The following ZPBP variants were observed in gnomAD, a reference collection of about 807,000 sequenced individuals.
The protein encoded by ZPBP is zona pellucida binding protein.
A neutral mutation model predicts 44.8 loss-of-function variants in ZPBP; 26 were observed. The observed-to-expected ratio is 0.58, with a 90% CI of 0.43 to 0.81. ZPBP has a LOEUF of 0.81. Among genes scored for constraint, ZPBP ranks in the 30% least tolerant of loss-of-function variants. The pLI, the probability that ZPBP is intolerant of heterozygous loss-of-function variation, is 0.00. For synonymous variants in ZPBP, 174 were observed against 153.2 expected (o/e 1.14, Z -1.00); for missense variants, 409 against 434.0 (o/e 0.94, Z 0.51).
intron 4 of ZPBP, among the ~76,000 whole-genome samples, chr7:50,045,075 A>G (rs2128820357): frequency 6.6e-6 from 1 of 152,368 alleles, no homozygotes; most frequent in South Asian, 2.1e-4. Flanking sequence ...TATATGCAGA[A>G]AAGGTCTTTG....
At chr7:49,877,654 C>A (rs1472098585) in intron 2 of ZPBP, among the ~76,000 whole-genome samples, 1 of 149,028 alleles carries the variant, frequency 6.7e-6, no homozygotes, top group East Asian at 2.0e-4. Context: ...TGATGATTTA[C>A]CTGTTGTGGT....
chr7:49,939,690 A>T (rs553975340), intron 7 of ZPBP, among the ~76,000 whole-genome samples: 26 of 152,298 alleles, frequency 1.7e-4, no homozygotes, highest in Non-Finnish European at 2.9e-4. Flanking sequence ...AATTAATTTT[A>T]AAAATCATAA....
chr7:49,860,254 A>G (rs1326730354), intron 2 of ZPBP, among the ~76,000 whole-genome samples: 1 of 152,160 alleles, frequency 6.6e-6, no homozygotes. Context: ...GTATCTCCTC[A>G]TTCCTGTCTA....
intron 5 of ZPBP, among the ~76,000 whole-genome samples, chr7:50,019,607 G>GGAT (rs1798992929): frequency 6.6e-6 from 1 of 152,036 alleles, no homozygotes; most frequent in Non-Finnish European, 1.5e-5. Flanking sequence ...TCATAAAATT[G>GGAT]ATCATAAAAG....
At chr7:49,968,637 T>A (rs1796159473) in intron 7 of ZPBP, among the ~76,000 whole-genome samples, 1 of 152,096 alleles carries the variant, frequency 6.6e-6, no homozygotes, top group African/African-American at 2.4e-5. Context: ...CTAAAGCTAG[T>A]ATAATATGCC....
At chr7:49,907,523 C>G (rs1168452054) in intron 1 of ZPBP, among the ~76,000 whole-genome samples, 1 of 152,088 alleles carries the variant, frequency 6.6e-6, no homozygotes, top group Non-Finnish European at 1.5e-5. Context: ...AAGAGTCAAA[C>G]TCTGTAAAAT....
intron 6 of ZPBP, among the ~76,000 whole-genome samples, chr7:50,014,311 T>C (rs751312303): frequency 6.6e-6 from 1 of 151,768 alleles, no homozygotes; most frequent in Admixed American, 6.6e-5. Context: ...AGAACAACCT[T>C]GACAAAAAAT....
intron 7 of ZPBP, among the ~76,000 whole-genome samples, chr7:49,979,953 T>G (rs1213353586): frequency 8.9e-6 from 1 of 112,392 alleles, no homozygotes; most frequent in Non-Finnish European, 1.7e-5. Flanking sequence ...AAATATATAT[T>G]AATATATTTA....
intron 1 of ZPBP, among the ~76,000 whole-genome samples, chr7:49,909,685 G>A (rs1793299152): frequency 1.3e-5 from 2 of 152,166 alleles, no homozygotes; most frequent in African/African-American, 2.4e-5. Flanking sequence ...GAGCTCAAGC[G>A]AGAAAGTACA....
chr7:50,057,352 C>T (rs1284655461), intron 4 of ZPBP, among the ~76,000 whole-genome samples: 1 of 152,120 alleles, frequency 6.6e-6, no homozygotes, highest in Non-Finnish European at 1.5e-5. Context: ...AACAAAGAGA[C>T]ACAGAAGCAG....
intron 7 of ZPBP, among the ~76,000 whole-genome samples, chr7:49,946,418 G>T (rs1182663639): frequency 6.6e-6 from 1 of 152,050 alleles, no homozygotes; most frequent in Non-Finnish European, 1.5e-5. Flanking sequence ...TTCTGGGGAA[G>T]TCTTTATTTC....
intron 7 of ZPBP, among the ~76,000 whole-genome samples, chr7:49,952,589 G>A (rs543972382): frequency 6.6e-6 from 1 of 152,058 alleles, no homozygotes; most frequent in South Asian, 2.1e-4. Flanking sequence ...CACATTACAG[G>A]CAGGGTGGAG....
chr7:49,959,519 TA>T (rs1795758932), intron 7 of ZPBP, among the ~76,000 whole-genome samples: 1 of 151,788 alleles, frequency 6.6e-6, no homozygotes, highest in Non-Finnish European at 1.5e-5. Context: ...AGAGAGAAAA[TA>T]AAACATAACA....
chr7:49,926,872 G>C (rs1794255281), intron 1 of ZPBP, among the ~76,000 whole-genome samples: 1 of 152,218 alleles, frequency 6.6e-6, no homozygotes, highest in Non-Finnish European at 1.5e-5. Flanking sequence ...GGCTGCAGAG[G>C]AGCGGCCCTC....
At chr7:49,909,106 C>A (rs184116148) in intron 1 of ZPBP, among the ~76,000 whole-genome samples, 1 of 152,056 alleles carries the variant, frequency 6.6e-6, no homozygotes, top group African/African-American at 2.4e-5. Flanking sequence ...TTAAGGCACA[C>A]AATAATTAAT....
intron 1 of ZPBP, among the ~76,000 whole-genome samples, chr7:49,929,938 C>T (rs1794390661): frequency 6.6e-6 from 1 of 152,176 alleles, no homozygotes; most frequent in African/African-American, 2.4e-5. Flanking sequence ...TCCTTGTCCC[C>T]TTTTAAATTA....
chr7:50,036,239 C>T (rs1799819711), intron 4 of ZPBP, among the ~76,000 whole-genome samples: 2 of 152,280 alleles, frequency 1.3e-5, no homozygotes, highest in East Asian at 1.9e-4. Context: ...TTGCAACCTC[C>T]ACCTCCCGGG....
At position 50,058,014 on chromosome 7, in the gene ZPBP, A is replaced by G. The variant is rs758942641; in HGVS notation, c.462T>C (p.Arg154=). 140 of 1,611,998 alleles carry G rather than the reference A, an allele frequency of 8.7e-5. No homozygotes were observed. Among genetic ancestry groups the G allele is most frequent in the Non-Finnish European group, 1.2e-4 (139 of 1,179,198 alleles). The part of the protein sequence containing the change: ...YKPTVEEIVK[R]LQLKYAIYAY... ...CATATATAGCATATTTTAGTTGAAG[A>G]CGTTTAACAATTTCTTCCACAGTAG... The change falls in exon 4 of 8, where the codon CGT becomes CGC. Residue 154 remains arginine (R), a synonymous_variant. Transcript: ENST00000046087.
intron 1 of ZPBP, among the ~76,000 whole-genome samples, chr7:49,928,575 G>A (rs778174602): frequency 1.3e-5 from 2 of 152,202 alleles, no homozygotes; most frequent in African/African-American, 2.4e-5. Context: ...TATAACTGAT[G>A]CTCAGATTTT....
Sources: gnomAD v4.1 joint callset for allele counts (sites outside exome capture counted in the v4.1 genomes callset) on GRCh38, gnomAD v4.1.1 for gene constraint, MANE v1.5 for transcripts, NCBI Gene and HGNC (gene_info 2026-07-23, HGNC 2026-07-21) for gene names.